Variants in TBC1D9 observed in about 807,000 individuals in gnomAD.
TBC1D9 encodes the protein TBC1 domain family member 9, also known as TBC1 domain family member 9A.
TBC1D9 carries 63 observed loss-of-function variants against 132.0 expected under a neutral mutation model. The observed-to-expected ratio is 0.48, with a 90% CI of 0.39 to 0.59. The LOEUF (loss-of-function observed/expected upper bound fraction) is 0.59, where lower values mean the gene tolerates loss of function less well. Among genes scored for constraint, TBC1D9 ranks in the 20% least tolerant of loss-of-function variants. The probability of loss-of-function intolerance (pLI) is 0.00; values close to 1 mark genes in which losing one functional copy is unlikely to be tolerated. For synonymous variants in TBC1D9, 610 were observed against 609.9 expected, an observed-to-expected ratio of 1.00 and a Z score of 0.00; for missense variants, 1,261 against 1,592.7, an observed-to-expected ratio of 0.79 and a Z score of 3.54.
At chr4:140,681,419 T>C (rs1017343160) in intron 3 of TBC1D9, among the ~76,000 whole-genome samples, 1 of 152,172 alleles carries the variant, frequency 6.6e-6, no homozygotes, top group Non-Finnish European at 1.5e-5. Context: ...TTGCCGGTAG[T>C]TGTGATGCTG....
chr4:140,726,267 C>T (rs1335405903), intron 1 of TBC1D9, among the ~76,000 whole-genome samples: 4 of 151,278 alleles, frequency 2.6e-5, no homozygotes, highest in South Asian at 2.1e-4. Flanking sequence ...CCACCCTGGG[C>T]GACGGAATGA....
intron 13 of TBC1D9, among the ~76,000 whole-genome samples, chr4:140,651,781 C>T (rs1404548796): frequency 6.6e-6 from 1 of 152,028 alleles, no homozygotes; most frequent in Non-Finnish European, 1.5e-5. Context: ...AAACAAAGAT[C>T]AGAAAAATGT....
intron 9 of TBC1D9, among the ~76,000 whole-genome samples, chr4:140,666,523 A>T (rs577016340): frequency 6.6e-6 from 1 of 152,132 alleles, no homozygotes; most frequent in East Asian, 1.9e-4. Context: ...TTTTTTTAGT[A>T]GAGACAGGGT....
Position 140,688,165 on chromosome 4 carries a change from T to C in TBC1D9, c.242-1703A>G, listed in dbSNP as rs1737818865. Among the ~76,000 whole-genome samples the C allele has an allele frequency of 5.3e-5, 8 of 152,258 alleles. No individual in the cohort carries two copies. In the South Asian group the frequency reaches 1.7e-3, roughly 32 times the overall value. On this transcript the variant is annotated intron_variant, in intron 2 of 20. Transcript: ENST00000442267. ...AAAACACTGAAGCATACATTGCTCCTCTTCCTGGGTATTTTCCACACTTGC... is the reference window on the plus strand; with the variant it reads ...AAAACACTGAAGCATACATTGCTCCCCTTCCTGGGTATTTTCCACACTTGC...
intron 13 of TBC1D9, among the ~76,000 whole-genome samples, chr4:140,653,694 G>A (rs1415269725): frequency 2.0e-5 from 3 of 152,214 alleles, no homozygotes; most frequent in Admixed American, 1.3e-4. Context: ...AGGCATTAGA[G>A]AGCCACTGGA....
intron 1 of TBC1D9, among the ~76,000 whole-genome samples, chr4:140,749,538 A>T (rs1328873039): frequency 6.6e-6 from 1 of 152,144 alleles, no homozygotes; most frequent in Non-Finnish European, 1.5e-5. Flanking sequence ...AAAAAAGTCA[A>T]CTGCCCAGGT....
chr4:140,624,073 G>C (rs1437035202), intron 20 of TBC1D9, 43 bp downstream of exon 20: 1 of 1,461,384 alleles, frequency 6.8e-7, no homozygotes, highest in Non-Finnish European at 9.4e-7. Context: ...AGAAAAAAGA[G>C]TGTCCAGGTT....
intron 1 of TBC1D9, among the ~76,000 whole-genome samples, chr4:140,708,475 C>T (rs565249465): frequency 6.6e-6 from 1 of 152,262 alleles, no homozygotes; most frequent in Admixed American, 6.5e-5. Flanking sequence ...CCTACTTTGG[C>T]AATTGTCAAT....
chr4:140,636,752 C>T (rs1343988180), intron 15 of TBC1D9, among the ~76,000 whole-genome samples: 1 of 152,034 alleles, frequency 6.6e-6, no homozygotes, highest in Non-Finnish European at 1.5e-5. Context: ...ATAGTGATGA[C>T]TTAATAAATG....
chr4:140,689,020 T>C (rs1737832076), intron 2 of TBC1D9, among the ~76,000 whole-genome samples: 1 of 152,012 alleles, frequency 6.6e-6, no homozygotes, highest in African/African-American at 2.4e-5. Context: ...TCCACCCGAT[T>C]GTTCCATCTG....
At position 140,657,087 on chromosome 4, in the gene TBC1D9, C is replaced by A. The variant is rs1333625040; in HGVS notation, c.2337+10G>T. The A allele has an allele frequency of 2.5e-6, 4 of 1,612,742 alleles. No homozygotes were observed. Among genetic ancestry groups the A allele is most frequent in the Non-Finnish European group, 2.5e-6 (3 of 1,179,474 alleles). ...GGTTAAGCCCTGCTCAGCCAGGAGA[C>A]AAGACCTACCTCGTAGGAAGTTCTG... On this transcript the variant is annotated intron_variant, in intron 13 of 20. Coordinates refer to ENST00000442267, the MANE Select transcript of TBC1D9 (RefSeq NM_015130.3).
Position 140,679,037 on chromosome 4 carries a change from G to A in TBC1D9, c.756C>T (p.Ala252=). 1.2e-6 allele frequency: 2 copies of A among 1,613,916 alleles called. No individual in the cohort carries two copies. The highest frequency in any genetic ancestry group is 1.7e-6 in the Non-Finnish European group (2 of 1,179,856). The change falls in exon 5 of 21, where the codon GCC becomes GCT. Residue 252 remains alanine (A), a synonymous_variant. Coordinates refer to ENST00000442267, the MANE Select transcript of TBC1D9 (RefSeq NM_015130.3). ...CCTCATTGTCTAAGAGTTGCCTCAT[G>A]GCTATGTTGGCAAGCTGCTCCATTA... The part of the protein sequence containing the change: ...FKLMEQLANI[A]MRQLLDNEGF...
chr4:140,735,935 A>G (rs1738667005), intron 1 of TBC1D9, among the ~76,000 whole-genome samples: 1 of 152,180 alleles, frequency 6.6e-6, no homozygotes. Flanking sequence ...CATTATACAT[A>G]TTTCTAGCAA....
chr4:140,702,517 C>T (rs1226991775), intron 1 of TBC1D9, among the ~76,000 whole-genome samples: 1 of 152,174 alleles, frequency 6.6e-6, no homozygotes, highest in Non-Finnish European at 1.5e-5. Flanking sequence ...TGAGGCACTC[C>T]AGCCATGCGG....
chr4:140,736,190 T>G (rs1738670184), intron 1 of TBC1D9, among the ~76,000 whole-genome samples: 1 of 146,938 alleles, frequency 6.8e-6, no homozygotes, highest in South Asian at 2.2e-4. Flanking sequence ...AAGGAGAGAG[T>G]GAGGGGGAAG....
At chr4:140,641,191 A>G (rs1264090075) in intron 13 of TBC1D9, among the ~76,000 whole-genome samples, 11 of 151,262 alleles carry the variant, frequency 7.3e-5, no homozygotes, top group African/African-American at 2.2e-4. Context: ...CTACGCTTTT[A>G]GAAGTCTGGA....
At chr4:140,631,354 C>T (rs1736792703) in intron 16 of TBC1D9, among the ~76,000 whole-genome samples, 1 of 151,834 alleles carries the variant, frequency 6.6e-6, no homozygotes, top group Non-Finnish European at 1.5e-5. Flanking sequence ...TCCCAAGTAG[C>T]TGGGACTACA....
intron 13 of TBC1D9, among the ~76,000 whole-genome samples, chr4:140,656,684 T>C (rs1173640348): frequency 1.3e-5 from 2 of 152,234 alleles, no homozygotes; most frequent in Admixed American, 1.3e-4. Context: ...ATAAATCTGC[T>C]TTTCTTTACT....
chr4:140,729,818 C>CAAAAAAAAAA (rs35283552), intron 1 of TBC1D9, among the ~76,000 whole-genome samples: 1 of 51,916 alleles, frequency 1.9e-5, no homozygotes, highest in African/African-American at 8.0e-5. Context: ...GATTCCATCT[C>CAAAAAAAAAA]AAAAAAAAAA....
Sources: allele counts gnomAD v4.1 joint callset (sites outside exome capture counted in the v4.1 genomes callset), GRCh38; gene constraint gnomAD v4.1.1; transcripts MANE v1.5; gene names NCBI Gene and HGNC (gene_info 2026-07-23, HGNC 2026-07-21).